NCR1: variants seen among roughly 807,000 people sequenced by gnomAD.
NCR1 encodes the protein natural cytotoxicity triggering receptor 1.
In NCR1, 30 loss-of-function variants were observed where a neutral mutation model predicts 32.5. The observed-to-expected ratio is 0.92, with a 90% CI of 0.69 to 1.25. The LOEUF (loss-of-function observed/expected upper bound fraction) is 1.25, where lower values mean the gene tolerates loss of function less well. Ranked by LOEUF, NCR1 falls within the 50% of genes most tolerant of loss-of-function variation. NCR1 has a pLI of 0.00. For missense variants in NCR1, 369 were observed against 380.7 expected (o/e 0.97, Z 0.26); for synonymous variants, 169 against 143.4 (o/e 1.18, Z -1.28).
At chr19:54,938,198 G>A in the NCR1 span, 19 of 1,613,998 alleles carry the variant, frequency 1.2e-5, no homozygotes, top group South Asian at 3.3e-5. Flanking sequence ...CGAAGAGAGC[G>A]AAGATCCTGC....
chr19:54,899,437 G>A, the NCR1 span, among the ~76,000 whole-genome samples: 1 of 152,054 alleles, frequency 6.6e-6, no homozygotes, highest in South Asian at 2.1e-4. Flanking sequence ...GAGACATGGA[G>A]GGAAGGGGTT....
the NCR1 span, among the ~76,000 whole-genome samples, chr19:54,921,509 C>T: frequency 2.0e-5 from 3 of 152,196 alleles, no homozygotes; most frequent in Admixed American, 6.5e-5. Context: ...CAGTGGCTCA[C>T]GCCTGTCATC....
At chr19:54,922,455 C>A in the NCR1 span, among the ~76,000 whole-genome samples, 2 of 151,772 alleles carry the variant, frequency 1.3e-5, no homozygotes, top group Non-Finnish European at 2.9e-5. Context: ...ACAGAGACTC[C>A]CAGAGACAGC....
At chr19:54,912,509 G>A (rs2068022714) in intron 6 of NCR1, among the ~76,000 whole-genome samples, 181 bp from the exon 7 acceptor site, 1 of 148,478 alleles carries the variant, frequency 6.7e-6, no homozygotes, top group South Asian at 2.1e-4. Context: ...TGAGACAGGA[G>A]AATAGCTTGA....
chr19:54,936,940 T>C, the NCR1 span, among the ~76,000 whole-genome samples: 1,278 of 146,786 alleles, frequency 8.7e-3, 16 homozygotes, highest in African/African-American at 0.031. Flanking sequence ...TCGCCGGGTG[T>C]GGTGGCTCAC....
intron 5 of NCR1, among the ~76,000 whole-genome samples, chr19:54,911,674 C>T (rs764572277): frequency 2.6e-5 from 4 of 152,112 alleles, no homozygotes; most frequent in African/African-American, 4.8e-5. Flanking sequence ...TGCTTGAACT[C>T]GGGAGGCGGA....
the NCR1 span, among the ~76,000 whole-genome samples, chr19:54,926,202 A>AGG: frequency 1.3e-3 from 107 of 81,622 alleles, no homozygotes; most frequent in African/African-American, 4.6e-3. Context: ...TATAATGATT[A>AGG]GGGGTGTGTG....
the NCR1 span, among the ~76,000 whole-genome samples, chr19:54,933,974 G>A: frequency 7.2e-5 from 11 of 152,226 alleles, no homozygotes; most frequent in Middle Eastern, 3.4e-3. Context: ...ACGGAGTCTC[G>A]CTCTGTCGCC....
At chr19:54,934,530 G>T in the NCR1 span, 1 of 1,614,170 alleles carries the variant, frequency 6.2e-7, no homozygotes, top group Non-Finnish European at 8.5e-7. The surrounding 1 kb of genome is among the most constrained non-coding windows in gnomAD (Gnocchi z 6.7). Context: ...TCATGGTCTT[G>T]TACAGCAACA....
chr19:54,906,142 C>T (rs750217162), upstream of NCR1: 4 of 1,613,658 alleles, frequency 2.5e-6, no homozygotes, highest in Admixed American at 3.3e-5. Context: ...CTGGCCCGCC[C>T]GGCTCAGTCC....
At chr19:54,916,741 C>T (rs978470597), downstream of NCR1, among the ~76,000 whole-genome samples, 1 of 115,212 alleles carries the variant, frequency 8.7e-6, no homozygotes, top group Non-Finnish European at 1.7e-5. Flanking sequence ...TCTCGCTCTG[C>T]ACACCCAGGC....
chr19:54,923,930 G>C, the NCR1 span: 1 of 1,570,892 alleles, frequency 6.4e-7, no homozygotes, highest in Non-Finnish European at 8.7e-7. Context: ...TACCCAGGAT[G>C]CCTGAATATC....
the NCR1 span, among the ~76,000 whole-genome samples, chr19:54,926,694 T>A: frequency 5.3e-5 from 8 of 151,928 alleles, no homozygotes; most frequent in African/African-American, 1.5e-4. Context: ...GGCGAGAAGA[T>A]CACCTGAGGT....
chr19:54,904,097 G>A (rs1364237133), upstream of NCR1, among the ~76,000 whole-genome samples: 1 of 136,002 alleles, frequency 7.4e-6, no homozygotes, highest in African/African-American at 2.8e-5. Flanking sequence ...CTGCACCACA[G>A]CCTGGGCAAC....
the NCR1 span, chr19:54,937,897 C>T: frequency 3.1e-6 from 2 of 639,216 alleles, no homozygotes; most frequent in Admixed American, 5.8e-5. Context: ...ATCTCCGTCT[C>T]ACCAAAAAAA....
At chr19:54,908,605 C>T (rs1260573028) in intron 3 of NCR1, among the ~76,000 whole-genome samples, 1 of 150,674 alleles carries the variant, frequency 6.6e-6, no homozygotes, top group Non-Finnish European at 1.5e-5. Context: ...GGGCAGTGGC[C>T]GGGCGGGGGC....
the NCR1 span, chr19:54,930,630 T>C: frequency 2.5e-6 from 4 of 1,613,282 alleles, no homozygotes; most frequent in Non-Finnish European, 3.4e-6. Context: ...CTGAGAGATA[T>C]CTACAGCCAA....
chr19:54,907,149 GT>G lies in NCR1; in HGVS notation c.355+356del, dbSNP rs111928722. On this transcript the variant is annotated intron_variant, in intron 3 of 6. Coordinates refer to ENST00000291890, the MANE Select transcript of NCR1 (RefSeq NM_004829.7). ...TTCCCTCACCCATCACAGGTGGTGG[GT>G]TTTTTTTTTTTTTATCTGTTTTGAG... 5.3e-3 allele frequency among the ~76,000 whole-genome samples: 750 copies of G among 140,966 alleles called. 1 individual carries two copies. The highest frequency in any genetic ancestry group is 0.013 in the African/African-American group (493 of 38,724). The allele number at this position is 140,966 out of a possible 152,430, so 92.5% of individuals were successfully genotyped here.
the NCR1 span, among the ~76,000 whole-genome samples, chr19:54,937,600 T>A: frequency 2.4e-4 from 32 of 132,316 alleles, no homozygotes; most frequent in Admixed American, 5.2e-4. Flanking sequence ...TCAGAAAAAA[T>A]AAAAAATAAA....
Sources: gnomAD v4.1 joint callset for allele counts (sites outside exome capture counted in the v4.1 genomes callset) on GRCh38, gnomAD v4.1.1 for gene constraint, Gnocchi (gnomAD v3.1) non-coding constraint, MANE v1.5 for transcripts, NCBI Gene and HGNC (gene_info 2026-07-23, HGNC 2026-07-21) for gene names.